The following GPR158 variants were observed in gnomAD, a reference collection of about 807,000 sequenced individuals.
The protein encoded by GPR158 is metabotropic glycine receptor.
GPR158 carries 30 observed loss-of-function variants against 78.2 expected under a neutral mutation model. The observed-to-expected ratio is 0.38, with a 90% CI of 0.29 to 0.52. The LOEUF (loss-of-function observed/expected upper bound fraction) is 0.52, where lower values mean the gene tolerates loss of function less well. Ranked by LOEUF, GPR158 falls within the 20% of genes least tolerant of loss-of-function variation. The probability of loss-of-function intolerance (pLI) is 0.83; values close to 1 mark genes in which losing one functional copy is unlikely to be tolerated. For synonymous variants in GPR158, 581 were observed against 591.1 expected (o/e 0.98, Z 0.25); for missense variants, 1,463 against 1,523.5 (o/e 0.96, Z 0.66).
At chr10:25,313,502 A>T (rs2130466039) in intron 2 of GPR158, among the ~76,000 whole-genome samples, 1 of 152,278 alleles carries the variant, frequency 6.6e-6, no homozygotes, top group East Asian at 1.9e-4. Context: ...GGTAAAAAAA[A>T]AAAATATATT....
chr10:25,175,297 C>T lies in GPR158; in HGVS notation c.-124C>T. ...CATTCTTATTTTCAAGTCCTTTGGACTGGGTGCCATCTGGAGAAGGGGGAA... is the reference window on the plus strand; with the variant it reads ...CATTCTTATTTTCAAGTCCTTTGGATTGGGTGCCATCTGGAGAAGGGGGAA... On this transcript the variant is annotated 5_prime_UTR_variant, in exon 1 of 11. Coordinates refer to ENST00000376351, the MANE Select transcript of GPR158 (RefSeq NM_020752.3). This position sits in a 1 kb window ranked among gnomAD's most constrained non-coding sequence, Gnocchi z 6.4. 1.6e-6 allele frequency: 1 copy of T among 625,432 alleles called. No individual in the cohort carries two copies. The allele number at this position is 625,432 out of a possible 1,614,324, so 38.7% of individuals were successfully genotyped here. A position where few individuals can be genotyped will look rare whatever the true frequency, so the allele number is the denominator to read the frequency against.
chr10:25,216,270 A>G lies in GPR158; in HGVS notation c.903-4782A>G, dbSNP rs559117341. 3.9e-5 allele frequency among the ~76,000 whole-genome samples: 6 copies of G among 152,328 alleles called. No individual in the cohort carries two copies. In the South Asian group the frequency reaches 1.0e-3, roughly 26 times the overall value. The stretch of plus-strand genomic sequence containing the variant: ...ATCAATCAATTTCAGCACAGCTTCT[A>G]CCTTGATATCCCATCAATGTTGACT... On this transcript the variant is annotated intron_variant, in intron 1 of 10. Transcript: ENST00000376351.
intron 5 of GPR158, among the ~76,000 whole-genome samples, chr10:25,491,091 T>C (rs1588885583): frequency 6.6e-6 from 1 of 152,198 alleles, no homozygotes; most frequent in East Asian, 1.9e-4. Flanking sequence ...AGCTTTGTGA[T>C]GTTCAAGGTA....
chr10:25,301,350 T>A (rs2130774890), intron 2 of GPR158, among the ~76,000 whole-genome samples: 1 of 152,268 alleles, frequency 6.6e-6, no homozygotes, highest in Non-Finnish European at 1.5e-5. Context: ...AGTTCTCAAC[T>A]CTGGCTATTA....
At chr10:25,344,830 A>G (rs564529693) in intron 2 of GPR158, among the ~76,000 whole-genome samples, 2 of 151,978 alleles carry the variant, frequency 1.3e-5, no homozygotes, top group Non-Finnish European at 2.9e-5. Context: ...TATTTCTTAC[A>G]GTTCTAGAGC....
intron 3 of GPR158, among the ~76,000 whole-genome samples, chr10:25,397,889 A>G (rs2130531507): frequency 6.6e-6 from 1 of 152,104 alleles, no homozygotes. Context: ...TTTATCTAAG[A>G]CTCCATCATA....
chr10:25,184,406 A>G (rs545589202), intron 1 of GPR158, among the ~76,000 whole-genome samples: 7 of 152,304 alleles, frequency 4.6e-5, no homozygotes, highest in Non-Finnish European at 8.8e-5. Context: ...TTGGCTTCCC[A>G]AAGTGCTGGG....
chr10:25,365,835 C>T (rs780822916), intron 2 of GPR158, among the ~76,000 whole-genome samples: 1 of 151,556 alleles, frequency 6.6e-6, no homozygotes, highest in Non-Finnish European at 1.5e-5. Flanking sequence ...CGAGAGAAAA[C>T]ATTCCAAAAC....
intron 2 of GPR158, among the ~76,000 whole-genome samples, chr10:25,338,469 T>TATATTATATATAA (rs1491453927): frequency 7.3e-6 from 1 of 136,622 alleles, no homozygotes; most frequent in East Asian, 2.0e-4. Context: ...ATTACGTATA[T>TATATTATATATAA]TATACGTATA....
At chr10:25,571,511 G>T (rs1300857083) in intron 6 of GPR158, among the ~76,000 whole-genome samples, 1 of 152,162 alleles carries the variant, frequency 6.6e-6, no homozygotes, top group African/African-American at 2.4e-5. Flanking sequence ...AAGTGAAGGA[G>T]AGAATAGAAC....
intron 2 of GPR158, among the ~76,000 whole-genome samples, chr10:25,337,567 T>G (rs1280056481): frequency 4.6e-5 from 7 of 152,080 alleles, no homozygotes; most frequent in Admixed American, 4.6e-4. Flanking sequence ...TTTAGATTTT[T>G]GGCTACTATA....
chr10:25,287,515 A>G (rs954487162), intron 2 of GPR158, among the ~76,000 whole-genome samples: 5 of 152,168 alleles, frequency 3.3e-5, no homozygotes, highest in Non-Finnish European at 4.4e-5. Context: ...GAGGAAGTGA[A>G]GAAGAGCATG....
At chr10:25,365,401 GTACTTGA>G (rs1414021378) in intron 2 of GPR158, among the ~76,000 whole-genome samples, 3 of 151,634 alleles carry the variant, frequency 2.0e-5, no homozygotes, top group Non-Finnish European at 4.4e-5. Context: ...CCTTTATTCT[GTACTTGA>G]TTTGCTAATT....
chr10:25,301,067 T>C (rs1321451832), intron 2 of GPR158, among the ~76,000 whole-genome samples: 1 of 152,220 alleles, frequency 6.6e-6, no homozygotes, highest in Non-Finnish European at 1.5e-5. Flanking sequence ...TTGTGTAATA[T>C]CAACATAAGC....
chr10:25,424,164 G>A (rs1044491585), intron 4 of GPR158, among the ~76,000 whole-genome samples: 8 of 152,218 alleles, frequency 5.3e-5, no homozygotes, highest in African/African-American at 1.9e-4. Flanking sequence ...GTGTCTGTTG[G>A]CTGCATAAAT....
chr10:25,520,677 A>G (rs2130681480), intron 5 of GPR158, among the ~76,000 whole-genome samples: 1 of 151,892 alleles, frequency 6.6e-6, no homozygotes, highest in South Asian at 2.1e-4. Flanking sequence ...CCTCCCAGTT[A>G]GGCTGCTCGG....
In GPR158 at chr10:25,520,501, G is replaced by A. The variant is rs374912556; in HGVS notation, c.1405-30475G>A. Among the ~76,000 whole-genome samples, 8 of 149,992 alleles carry A rather than the reference G, an allele frequency of 5.3e-5. No homozygotes were observed. The East Asian group carries it at 9.8e-4, about 18-fold the overall frequency. On this transcript the variant is annotated intron_variant, in intron 5 of 10. Transcript: ENST00000376351. ...TGTTCTGTTTTTTCCCCATCTTTGT[G>A]GTTTTATCTACTTTTGGTCTTTGAT...
At chr10:25,532,379 G>A (rs1836436133) in intron 5 of GPR158, among the ~76,000 whole-genome samples, 1 of 152,026 alleles carries the variant, frequency 6.6e-6, no homozygotes, top group South Asian at 2.1e-4. Flanking sequence ...AAAAGCTTTT[G>A]CCTCTATCAT....
At chr10:25,336,553 A>G (rs554611083) in intron 2 of GPR158, among the ~76,000 whole-genome samples, 2 of 152,084 alleles carry the variant, frequency 1.3e-5, no homozygotes, top group South Asian at 4.1e-4. Flanking sequence ...TGGATCCATA[A>G]TTGGTTTAAC....
Sources: gnomAD v4.1 joint callset for allele counts (sites outside exome capture counted in the v4.1 genomes callset) on GRCh38, gnomAD v4.1.1 for gene constraint, Gnocchi (gnomAD v3.1) non-coding constraint, MANE v1.5 for transcripts, NCBI Gene and HGNC (gene_info 2026-07-23, HGNC 2026-07-21) for gene names.